TPRG1: variants seen among roughly 807,000 people sequenced by gnomAD.
The protein encoded by TPRG1 is tumor protein p63-regulated gene 1 protein.
In TPRG1, 29 loss-of-function variants were observed where a neutral mutation model predicts 29.3. That is an observed-to-expected ratio of 0.99 (90% CI 0.74 to 1.35). The LOEUF is 1.35. TPRG1 is among the 40% of genes most tolerant of loss of function. The probability of loss-of-function intolerance (pLI) is 0.00; values close to 1 mark genes in which losing one functional copy is unlikely to be tolerated. For synonymous variants in TPRG1, 130 were observed against 116.8 expected, an observed-to-expected ratio of 1.11 and a Z score of -0.73; for missense variants, 327 against 335.0, an observed-to-expected ratio of 0.98 and a Z score of 0.19.
chr3:189,044,608 T>A (rs1414805978), intron 4 of TPRG1, among the ~76,000 whole-genome samples: 2 of 150,212 alleles, frequency 1.3e-5, no homozygotes, highest in African/African-American at 4.9e-5. Context: ...GTATTTAATA[T>A]GTAAGGATGG....
chr3:189,218,980 G>A (rs1219764883), intron 3 of TPRG1, among the ~76,000 whole-genome samples: 4 of 152,184 alleles, frequency 2.6e-5, no homozygotes, highest in Non-Finnish European at 5.9e-5. Flanking sequence ...TCCCATACGT[G>A]ATGGGGAGGC....
At chr3:189,194,356 C>A (rs1351058156) in intron 1 of TPRG1, among the ~76,000 whole-genome samples, 1 of 152,174 alleles carries the variant, frequency 6.6e-6, no homozygotes, top group Non-Finnish European at 1.5e-5. Flanking sequence ...TCAGGTCTGA[C>A]ACAGCCTACA....
At chr3:189,225,427 A>G (rs1398918619) in intron 3 of TPRG1, among the ~76,000 whole-genome samples, 7 of 152,212 alleles carry the variant, frequency 4.6e-5, no homozygotes, top group Non-Finnish European at 1.0e-4. Context: ...TTACTGAAGG[A>G]TATCAAATAG....
chr3:189,022,706 G>A (rs1252373379), intron 3 of TPRG1, among the ~76,000 whole-genome samples: 5 of 152,212 alleles, frequency 3.3e-5, no homozygotes, highest in Non-Finnish European at 1.5e-5. Flanking sequence ...GCCCCCAGAG[G>A]TGGAGCCTAA....
chr3:189,036,225 C>T (rs1444987444), intron 4 of TPRG1, among the ~76,000 whole-genome samples: 5 of 151,954 alleles, frequency 3.3e-5, no homozygotes, highest in Admixed American at 3.3e-4. Context: ...TACACACAGA[C>T]ACAAAGATGG....
chr3:189,311,631 T>C (rs1049800300), intron 5 of TPRG1, among the ~76,000 whole-genome samples: 2 of 152,162 alleles, frequency 1.3e-5, no homozygotes, highest in Admixed American at 6.5e-5. Flanking sequence ...CCATGAAAAG[T>C]CAATGTTCCT....
At chr3:189,278,978 A>G (rs1426547874) in intron 4 of TPRG1, among the ~76,000 whole-genome samples, 1 of 152,248 alleles carries the variant, frequency 6.6e-6, no homozygotes, top group Non-Finnish European at 1.5e-5. Flanking sequence ...GAAACCTGTT[A>G]AAATGTATTT....
intron 4 of TPRG1, among the ~76,000 whole-genome samples, chr3:189,079,559 A>G (rs796353923): frequency 4.6e-5 from 7 of 152,266 alleles, no homozygotes; most frequent in African/African-American, 1.7e-4. Flanking sequence ...ATATTAACAT[A>G]TACTACTAAT....
intron 4 of TPRG1, among the ~76,000 whole-genome samples, chr3:189,054,196 G>C (rs1715509722): frequency 6.6e-6 from 1 of 152,038 alleles, no homozygotes; most frequent in African/African-American, 2.4e-5. Flanking sequence ...TTTCAAAATT[G>C]TTATGTCTCA....
At chr3:189,182,869 T>C (rs60797588) in intron 1 of TPRG1, among the ~76,000 whole-genome samples, 5,428 of 152,294 alleles carry the variant, frequency 0.036, 329 homozygotes, top group African/African-American at 0.12. Context: ...TTGACATATG[T>C]ATACATTGCA....
intron 3 of TPRG1, among the ~76,000 whole-genome samples, chr3:189,007,288 A>G (rs1272339116): frequency 2.0e-5 from 3 of 151,938 alleles, no homozygotes; most frequent in Admixed American, 2.0e-4. Flanking sequence ...CAAAAAACAC[A>G]TGAAAAAATG....
At chr3:189,130,998 T>C (rs1560471831) in intron 2 of TPRG1, among the ~76,000 whole-genome samples, 2 of 152,196 alleles carry the variant, frequency 1.3e-5, no homozygotes, top group Non-Finnish European at 2.9e-5. Context: ...CATGCCATGT[T>C]ACCTCTGGCC....
chr3:189,143,739 A>G (rs11715904), intron 3 of TPRG1, among the ~76,000 whole-genome samples: 6,847 of 152,234 alleles, frequency 0.045, 224 homozygotes, highest in Non-Finnish European at 0.065. Context: ...ACATGTTTTC[A>G]TATGTTTTAC....
At position 189,140,835 on chromosome 3, in the gene TPRG1, C is replaced by T. The variant is rs1199486180; in HGVS notation, c.-290-6749C>T. On this transcript the variant is annotated intron_variant, in intron 3 of 6. Transcript: ENST00000412373. Reference sequence around the variant, plus strand: ...GAATTATGCAGTTTTGCATCCCCTTCCTAGGCAGACACCTCCTCTCGAACT... The same window carrying T: ...GAATTATGCAGTTTTGCATCCCCTTTCTAGGCAGACACCTCCTCTCGAACT... 2.0e-5 allele frequency among the ~76,000 whole-genome samples: 3 copies of T among 152,130 alleles called. No individual in the cohort carries two copies. The East Asian group carries it at 5.8e-4, about 29-fold the overall frequency.
chr3:189,085,452 T>TGTGCGTGTGC (rs1553900890), intron 4 of TPRG1, among the ~76,000 whole-genome samples: 1 of 148,508 alleles, frequency 6.7e-6, no homozygotes, highest in African/African-American at 2.5e-5. Context: ...TGTGCATGTG[T>TGTGCGTGTGC]GTGTGTGTGT....
intron 4 of TPRG1, among the ~76,000 whole-genome samples, chr3:189,043,909 G>A (rs1034790837): frequency 2.6e-5 from 4 of 152,118 alleles, no homozygotes; most frequent in African/African-American, 9.7e-5. Context: ...TATGAATAAC[G>A]AGTGCCATCT....
At chr3:189,044,697 C>T (rs1028496645) in intron 4 of TPRG1, among the ~76,000 whole-genome samples, 1 of 152,054 alleles carries the variant, frequency 6.6e-6, no homozygotes, top group African/African-American at 2.4e-5. Flanking sequence ...CAGCAAAGAG[C>T]AATGGCCTAA....
chr3:188,999,096 G>T (rs935507632), intron 1 of TPRG1, among the ~76,000 whole-genome samples: 1 of 152,172 alleles, frequency 6.6e-6, no homozygotes. Flanking sequence ...GTGTGGAAAG[G>T]ATCACAGGAG....
chr3:189,057,782 A>G (rs1715801146), intron 4 of TPRG1, among the ~76,000 whole-genome samples: 1 of 147,142 alleles, frequency 6.8e-6, no homozygotes, highest in Non-Finnish European at 1.5e-5. Context: ...ATATACATAT[A>G]TGTATATTTA....
Sources: allele counts gnomAD v4.1 joint callset (sites outside exome capture counted in the v4.1 genomes callset), GRCh38; gene constraint gnomAD v4.1.1; transcripts MANE v1.5; gene names NCBI Gene and HGNC (gene_info 2026-07-23, HGNC 2026-07-21).